Variants in CPS1 observed in about 807,000 individuals in gnomAD.
CPS1 encodes the protein carbamoyl-phosphate synthase [ammonia], mitochondrial.
Under a neutral mutation model 174.6 loss-of-function variants are expected in CPS1, and 109 were observed. That is an observed-to-expected ratio of 0.62 (90% CI 0.53 to 0.73). CPS1 has a LOEUF of 0.73. CPS1 is among the 30% of genes least tolerant of loss of function. The probability of loss-of-function intolerance (pLI) is 0.00; values close to 1 mark genes in which losing one functional copy is unlikely to be tolerated. For synonymous variants in CPS1, 637 were observed against 632.0 expected (o/e 1.01, Z -0.12); for missense variants, 1,689 against 1,821.9 (o/e 0.93, Z 1.33).
intron 1 of CPS1, among the ~76,000 whole-genome samples, chr2:210,521,580 G>T (rs1209633115): frequency 6.6e-6 from 1 of 151,886 alleles, no homozygotes; most frequent in Non-Finnish European, 1.5e-5. Flanking sequence ...TGAGTTCACT[G>T]CTCTTTTCTT....
At chr2:210,580,034 A>G (rs1459622828) in intron 5 of CPS1, among the ~76,000 whole-genome samples, 2 of 152,224 alleles carry the variant, frequency 1.3e-5, no homozygotes, top group African/African-American at 2.4e-5. Flanking sequence ...CTATGTGTTC[A>G]TTATACCAAC....
intron 27 of CPS1, among the ~76,000 whole-genome samples, chr2:210,648,989 T>C (rs1700475922): frequency 6.6e-6 from 1 of 152,152 alleles, no homozygotes; most frequent in South Asian, 2.1e-4. Context: ...ATTATAAGGG[T>C]GAGGAACAGG....
At chr2:210,648,175 C>T (rs1031303990) in intron 26 of CPS1, 118 bp downstream of exon 26, 23 of 1,001,666 alleles carry the variant, frequency 2.3e-5, no homozygotes, top group Non-Finnish European at 3.3e-5. Flanking sequence ...AATGCATACA[C>T]TTAGTGAATT....
At chr2:210,550,022 G>A (rs1039707987) in intron 1 of CPS1, among the ~76,000 whole-genome samples, 16 of 151,966 alleles carry the variant, frequency 1.1e-4, no homozygotes, top group Admixed American at 4.6e-4. Flanking sequence ...GCTATTTTAG[G>A]TAAGTCCAGC....
intron 1 of CPS1, among the ~76,000 whole-genome samples, chr2:210,499,374 A>G (rs149181833): frequency 1.3e-5 from 2 of 152,168 alleles, no homozygotes; most frequent in Non-Finnish European, 2.9e-5. Context: ...ATCCAGGAGA[A>G]ACTGGATGAG....
At chr2:210,553,194 C>G (rs10172081), upstream of CPS1, among the ~76,000 whole-genome samples, 60,336 of 151,088 alleles carry the variant, frequency 0.4, 12,295 homozygotes, top group Middle Eastern at 0.52. Context: ...TTATGCAAGT[C>G]AATGGCAATT....
chr2:210,628,860 G>T (rs889945924), intron 21 of CPS1, among the ~76,000 whole-genome samples: 1 of 151,962 alleles, frequency 6.6e-6, no homozygotes, highest in African/African-American at 2.4e-5. Flanking sequence ...AGAAGTCAAA[G>T]AAAGATATAT....
intron 21 of CPS1, among the ~76,000 whole-genome samples, chr2:210,624,248 A>G (rs1206311322): frequency 1.3e-5 from 2 of 152,136 alleles, no homozygotes; most frequent in African/African-American, 2.4e-5. Flanking sequence ...TCACCCTAGT[A>G]AAAACAAAAC....
intron 1 of CPS1, among the ~76,000 whole-genome samples, chr2:210,563,298 TG>T (rs1697166228): frequency 6.6e-6 from 1 of 152,266 alleles, no homozygotes; most frequent in African/African-American, 2.4e-5. Flanking sequence ...TTTCTTTTTT[TG>T]AGAATAGGTT....
At chr2:210,543,780 ATGGGG>A (rs1416253226) in intron 1 of CPS1, among the ~76,000 whole-genome samples, 1 of 152,108 alleles carries the variant, frequency 6.6e-6, no homozygotes, top group Non-Finnish European at 1.5e-5. Flanking sequence ...CCATTGCCTA[ATGGGG>A]TATCTGGTAT....
chr2:210,484,086 A>G (rs1398796527), intron 1 of CPS1, among the ~76,000 whole-genome samples: 1 of 152,178 alleles, frequency 6.6e-6, no homozygotes, highest in Non-Finnish European at 1.5e-5. Context: ...TTAAGATACT[A>G]AGGAAACCAT....
At chr2:210,586,210 G>A (rs1364516886) in intron 6 of CPS1, among the ~76,000 whole-genome samples, 3 of 151,908 alleles carry the variant, frequency 2.0e-5, no homozygotes, top group Non-Finnish European at 2.9e-5. Flanking sequence ...GTCGGGCAGG[G>A]ATGTGCATTC....
chr2:210,547,833 G>A (rs181182336), intron 1 of CPS1, among the ~76,000 whole-genome samples: 18 of 152,080 alleles, frequency 1.2e-4, no homozygotes, highest in Non-Finnish European at 2.4e-4. Context: ...ATATATTTAA[G>A]AGAATCCTTA....
chr2:210,523,707 G>A (rs1326423463), intron 1 of CPS1, among the ~76,000 whole-genome samples: 1 of 151,926 alleles, frequency 6.6e-6, no homozygotes, highest in African/African-American at 2.4e-5. Flanking sequence ...TTATTCCATG[G>A]TACATTTTCT....
upstream of CPS1, among the ~76,000 whole-genome samples, chr2:210,552,271 G>A (rs1300310787): frequency 6.6e-6 from 1 of 151,664 alleles, no homozygotes; most frequent in Non-Finnish European, 1.5e-5. Context: ...AGACTTTATA[G>A]AATTATTGAT....
intron 1 of CPS1, among the ~76,000 whole-genome samples, chr2:210,503,885 T>C (rs1018668501): frequency 6.6e-6 from 1 of 151,690 alleles, no homozygotes; most frequent in African/African-American, 2.4e-5. Flanking sequence ...TTAGTGTACA[T>C]ACAAGTAGGG....
At position 210,675,818 on chromosome 2, in the gene CPS1, C is replaced by T. The variant is rs150966847; in HGVS notation, c.4252C>T (p.Pro1418Ser). Reference protein sequence around the residue: ...VAWPSQEGQNPSLSSIRKLIR... With the variant: ...VAWPSQEGQNSSLSSIRKLIR... ...ATGGCCGTCTCAAGAAGGACAGAAT[C>T]CCAGCCTCTCTTCCATCAGAAAGTA... The change falls in exon 36 of 38, where the codon CCC becomes TCC. Residue 1418 changes from proline to serine, a missense_variant. Pro to Ser is a moderately conservative substitution (Grantham distance 74, BLOSUM62 -1). Coordinates refer to ENST00000233072, the MANE Select transcript of CPS1 (RefSeq NM_001875.5). The T allele has an allele frequency of 1.3e-3, 1,982 of 1,558,496 alleles. No homozygotes were observed. Among genetic ancestry groups the T allele is most frequent in the Non-Finnish European group, 1.6e-3 (1,802 of 1,129,244 alleles).
chr2:210,553,140 A>G (rs1444519476), upstream of CPS1, among the ~76,000 whole-genome samples: 2 of 151,430 alleles, frequency 1.3e-5, no homozygotes, highest in Admixed American at 6.6e-5. Context: ...GAACTTTGTA[A>G]TAACATCAAA....
chr2:210,633,845 G>T (rs1183552803), intron 21 of CPS1, among the ~76,000 whole-genome samples: 1 of 152,148 alleles, frequency 6.6e-6, no homozygotes. Context: ...TGAAGAACCC[G>T]CACTTATGGT....
Sources: allele counts gnomAD v4.1 joint callset (sites outside exome capture counted in the v4.1 genomes callset), GRCh38; gene constraint gnomAD v4.1.1; transcripts MANE v1.5; gene names NCBI Gene and HGNC (gene_info 2026-07-23, HGNC 2026-07-21).